The following GABRB1 variants were observed in gnomAD, a reference collection of about 807,000 sequenced individuals.
GABRB1 encodes gamma-aminobutyric acid type A receptor subunit beta1, also known as gamma-aminobutyric acid receptor subunit beta-1.
Under a neutral mutation model 51.6 loss-of-function variants are expected in GABRB1, and 17 were observed. The ratio of observed to expected loss-of-function variants is 0.33; its 90% CI spans 0.23 to 0.49. GABRB1 has a LOEUF of 0.49. GABRB1 is among the 20% of genes least tolerant of loss of function. GABRB1 has a pLI of 0.99. For synonymous variants in GABRB1, 247 were observed against 218.9 expected (o/e 1.13, Z -1.14); for missense variants, 410 against 600.6 (o/e 0.68, Z 3.32).
At chr4:47,286,513 G>A (rs1003344948) in intron 4 of GABRB1, among the ~76,000 whole-genome samples, 1 of 151,922 alleles carries the variant, frequency 6.6e-6, no homozygotes, top group African/African-American at 2.4e-5. Flanking sequence ...CAAGCCCCCT[G>A]TGCTCCTGCT....
At chr4:47,215,357 AT>A (rs1254255847) in intron 4 of GABRB1, among the ~76,000 whole-genome samples, 1 of 152,114 alleles carries the variant, frequency 6.6e-6, no homozygotes, top group Non-Finnish European at 1.5e-5. Context: ...GTTGCTTTGT[AT>A]AAGTTGATTC....
rs527834265 is a variant in GABRB1 at position 47,066,896 on chromosome 4, A to C, written c.240+34412A>C. Among the ~76,000 whole-genome samples the C allele has an allele frequency of 2.0e-5, 3 of 152,288 alleles. No individual in the cohort carries two copies. The South Asian group carries it at 6.3e-4, about 32-fold the overall frequency. On this transcript the variant is annotated intron_variant, in intron 3 of 8. Coordinates refer to ENST00000295454, the MANE Select transcript of GABRB1 (RefSeq NM_000812.4). Reference sequence around the variant, plus strand: ...ATCCTTTCCAGAAGGTTTTCAATTTACTTTTCCCAGATAAATCAGAAGAAT... The same window carrying C: ...ATCCTTTCCAGAAGGTTTTCAATTTCCTTTTCCCAGATAAATCAGAAGAAT...
chr4:47,255,883 A>T (rs1180631156), intron 4 of GABRB1, among the ~76,000 whole-genome samples: 1 of 152,218 alleles, frequency 6.6e-6, no homozygotes, highest in Non-Finnish European at 1.5e-5. Flanking sequence ...GTGGCTTGTT[A>T]CTGATGAAGC....
intron 5 of GABRB1, among the ~76,000 whole-genome samples, chr4:47,351,762 G>A (rs1164802685): frequency 1.3e-5 from 2 of 151,630 alleles, no homozygotes; most frequent in African/African-American, 4.8e-5. Context: ...TGGCTGCATA[G>A]TATTCCATGG....
intron 5 of GABRB1, among the ~76,000 whole-genome samples, chr4:47,333,435 C>A (rs112187788): frequency 2.6e-5 from 4 of 152,120 alleles, no homozygotes; most frequent in African/African-American, 9.6e-5. Flanking sequence ...GCTTCTCAGG[C>A]CGGGCACAGT....
intron 3 of GABRB1, among the ~76,000 whole-genome samples, chr4:47,129,105 T>C (rs576841774): frequency 6.6e-6 from 1 of 152,214 alleles, no homozygotes; most frequent in Admixed American, 6.5e-5. Context: ...ATTTAAGAGA[T>C]TAAGATTGGG....
chr4:47,279,603 A>G (rs557680907), intron 4 of GABRB1, among the ~76,000 whole-genome samples: 2 of 152,088 alleles, frequency 1.3e-5, no homozygotes, highest in Non-Finnish European at 2.9e-5. Context: ...GGGGGTGCAT[A>G]TATATTTATA....
At chr4:47,340,447 G>A (rs2109986434) in intron 5 of GABRB1, among the ~76,000 whole-genome samples, 1 of 152,208 alleles carries the variant, frequency 6.6e-6, no homozygotes, top group South Asian at 2.1e-4. Context: ...CGAGGGGGTA[G>A]GTTATACACA....
At chr4:47,098,947 TG>T (rs1467894354) in intron 3 of GABRB1, among the ~76,000 whole-genome samples, 3 of 152,112 alleles carry the variant, frequency 2.0e-5, no homozygotes, top group Non-Finnish European at 2.9e-5. Context: ...ATTGAAAAGA[TG>T]TTATTCTTAG....
chr4:47,159,314 A>C (rs943288687), intron 3 of GABRB1, among the ~76,000 whole-genome samples: 3 of 152,058 alleles, frequency 2.0e-5, no homozygotes, highest in Non-Finnish European at 2.9e-5. Flanking sequence ...AAAAAGAGGC[A>C]TCTTAGGTGC....
intron 3 of GABRB1, among the ~76,000 whole-genome samples, chr4:47,137,156 G>A (rs1716698174): frequency 6.6e-6 from 1 of 152,108 alleles, no homozygotes; most frequent in Non-Finnish European, 1.5e-5. Context: ...TGGCCTCTAG[G>A]AAGTTGAGGG....
At chr4:47,149,712 T>A (rs1717341119) in intron 3 of GABRB1, among the ~76,000 whole-genome samples, 1 of 152,070 alleles carries the variant, frequency 6.6e-6, no homozygotes, top group Non-Finnish European at 1.5e-5. Context: ...ATTATAAAGC[T>A]ACATCAGAGG....
chr4:47,147,653 C>A (rs1276224780), intron 3 of GABRB1, among the ~76,000 whole-genome samples: 4 of 152,086 alleles, frequency 2.6e-5, no homozygotes, highest in Non-Finnish European at 5.9e-5. Flanking sequence ...GACTTCCTGG[C>A]TCCTGACATG....
intron 8 of GABRB1, among the ~76,000 whole-genome samples, chr4:47,423,274 G>C (rs1408268886): frequency 6.6e-6 from 1 of 152,216 alleles, no homozygotes; most frequent in Non-Finnish European, 1.5e-5. Context: ...TTCTGGTAAA[G>C]GGGGTGATCT....
At chr4:47,187,597 G>A (rs750260055) in intron 4 of GABRB1, among the ~76,000 whole-genome samples, 2 of 151,758 alleles carry the variant, frequency 1.3e-5, no homozygotes, top group Admixed American at 6.6e-5. Flanking sequence ...CTCCCATGCC[G>A]ACTCCCTCCG....
At chr4:47,138,065 T>A (rs1027034306) in intron 3 of GABRB1, among the ~76,000 whole-genome samples, 2 of 152,128 alleles carry the variant, frequency 1.3e-5, no homozygotes, top group African/African-American at 4.8e-5. Flanking sequence ...TGATATGTAT[T>A]CAAGATTGTG....
intron 3 of GABRB1, among the ~76,000 whole-genome samples, chr4:47,137,013 G>GGACT (rs1716689284): frequency 6.6e-6 from 1 of 152,080 alleles, no homozygotes; most frequent in East Asian, 1.9e-4. Context: ...AAGGAGACTA[G>GGACT]GACTGACTTT....
intron 3 of GABRB1, among the ~76,000 whole-genome samples, chr4:47,137,737 T>A (rs1279878767): frequency 6.6e-6 from 1 of 152,144 alleles, no homozygotes; most frequent in East Asian, 1.9e-4. Context: ...ATTTAAGATA[T>A]TTGGTTATGT....
chr4:47,081,796 A>G (rs2109568208), intron 3 of GABRB1, among the ~76,000 whole-genome samples: 1 of 152,198 alleles, frequency 6.6e-6, no homozygotes, highest in South Asian at 2.1e-4. Flanking sequence ...AGGGCAATAT[A>G]TATCTGGTTA....
Sources: allele counts gnomAD v4.1 joint callset (sites outside exome capture counted in the v4.1 genomes callset), GRCh38; gene constraint gnomAD v4.1.1; transcripts MANE v1.5; gene names NCBI Gene and HGNC (gene_info 2026-07-23, HGNC 2026-07-21).